Variants in CDH13 observed in about 807,000 individuals in gnomAD.
CDH13 encodes cadherin-13.
CDH13 carries 24 observed loss-of-function variants against 63.8 expected under a neutral mutation model. The ratio of observed to expected loss-of-function variants is 0.38; its 90% CI spans 0.27 to 0.53. The LOEUF (loss-of-function observed/expected upper bound fraction) is 0.53. Ranked by LOEUF, CDH13 falls within the 20% of genes least tolerant of loss-of-function variation. The probability of loss-of-function intolerance (pLI) is 0.85; values close to 1 mark genes in which losing one functional copy is unlikely to be tolerated. For synonymous variants in CDH13, 503 were observed against 355.3 expected, an observed-to-expected ratio of 1.42 and a Z score of -4.67; for missense variants, 1,049 against 903.1, an observed-to-expected ratio of 1.16 and a Z score of -2.07.
At chr16:82,981,206 C>T (rs955123601) in intron 2 of CDH13, among the ~76,000 whole-genome samples, 1 of 152,206 alleles carries the variant, frequency 6.6e-6, no homozygotes, top group South Asian at 2.1e-4. Flanking sequence ...CTTCCACTTT[C>T]CGTTTCACCA....
intron 3 of CDH13, among the ~76,000 whole-genome samples, chr16:83,077,767 G>T (rs769240025): frequency 3.8e-4 from 58 of 152,154 alleles, no homozygotes; most frequent in Non-Finnish European, 7.9e-4. Context: ...CTCATATTGA[G>T]TGTTATCAGA....
chr16:82,842,456 A>G (rs2039076170), intron 1 of CDH13, among the ~76,000 whole-genome samples: 1 of 151,994 alleles, frequency 6.6e-6, no homozygotes. Flanking sequence ...TTAAAATATA[A>G]GAGTGCACAG....
At chr16:83,686,740 C>A (rs1375766997) in intron 10 of CDH13, among the ~76,000 whole-genome samples, 1 of 152,052 alleles carries the variant, frequency 6.6e-6, no homozygotes, top group East Asian at 1.9e-4. Context: ...ACATTTGATA[C>A]AGTTTGGGGT....
intron 2 of CDH13, among the ~76,000 whole-genome samples, chr16:82,913,221 T>C (rs1435209951): frequency 6.6e-6 from 1 of 152,176 alleles, no homozygotes; most frequent in African/African-American, 2.4e-5. Flanking sequence ...AATTGGAGTT[T>C]ACCTATTTTT....
chr16:83,305,588 G>T (rs946611775), intron 5 of CDH13, among the ~76,000 whole-genome samples: 1 of 152,194 alleles, frequency 6.6e-6, no homozygotes, highest in African/African-American at 2.4e-5. Flanking sequence ...TGGCATCCCA[G>T]TTCTTCCACG....
At chr16:82,911,795 T>A (rs1597197174) in intron 2 of CDH13, among the ~76,000 whole-genome samples, 1 of 152,024 alleles carries the variant, frequency 6.6e-6, no homozygotes, top group East Asian at 1.9e-4. Context: ...CAGGCTCCTG[T>A]CCTGGAATCC....
chr16:82,958,729 G>A (rs1226246713), intron 2 of CDH13, among the ~76,000 whole-genome samples: 1 of 152,222 alleles, frequency 6.6e-6, no homozygotes, highest in Non-Finnish European at 1.5e-5. Flanking sequence ...CAGGTCACAG[G>A]CTCCATTGTC....
At position 82,906,607 on chromosome 16, in the gene CDH13, A is replaced by T. The variant is rs560151524; in HGVS notation, c.157+48134A>T. On this transcript the variant is annotated intron_variant, in intron 2 of 13. Coordinates refer to ENST00000567109, the MANE Select transcript of CDH13 (RefSeq NM_001257.5). ...GTCTAGTGCACATTAGGCTCTTCTAATAGTTTCCGAGAGCTGGAGTAACAG... is the reference window on the plus strand; with the variant it reads ...GTCTAGTGCACATTAGGCTCTTCTATTAGTTTCCGAGAGCTGGAGTAACAG... Among the ~76,000 whole-genome samples the T allele has an allele frequency of 3.1e-4, 47 of 152,316 alleles. 1 individual carries two copies. The highest frequency in any genetic ancestry group is 8.4e-4 in the African/African-American group (35 of 41,574).
intron 1 of CDH13, among the ~76,000 whole-genome samples, chr16:82,804,400 A>G (rs2037042145): frequency 1.3e-5 from 2 of 152,174 alleles, no homozygotes; most frequent in African/African-American, 4.8e-5. Context: ...ATGGTATCAC[A>G]GGTATATGCA....
intron 2 of CDH13, among the ~76,000 whole-genome samples, chr16:83,014,388 C>T (rs956629011): frequency 2.0e-5 from 3 of 148,660 alleles, no homozygotes; most frequent in African/African-American, 7.4e-5. Context: ...TTTGAATCAG[C>T]ACTTTCAGAA....
chr16:82,762,861 C>T (rs1466311397), intron 1 of CDH13, among the ~76,000 whole-genome samples: 1 of 152,150 alleles, frequency 6.6e-6, no homozygotes, highest in East Asian at 1.9e-4. Context: ...TGGGTGGGCA[C>T]TCTCTTCATT....
chr16:82,896,827 C>T (rs960843443), intron 2 of CDH13, among the ~76,000 whole-genome samples: 12 of 115,182 alleles, frequency 1.0e-4, no homozygotes, highest in African/African-American at 4.1e-4. Context: ...GTCACCCAGG[C>T]TGGAGTGTAG....
intron 3 of CDH13, among the ~76,000 whole-genome samples, chr16:83,090,838 A>G (rs1330709182): frequency 6.6e-6 from 1 of 151,830 alleles, no homozygotes; most frequent in Non-Finnish European, 1.5e-5. Flanking sequence ...CCGGAAACAT[A>G]CGCTTTTTAA....
intron 5 of CDH13, among the ~76,000 whole-genome samples, chr16:83,303,558 G>C (rs963325205): frequency 6.6e-6 from 1 of 152,160 alleles, no homozygotes; most frequent in Admixed American, 6.5e-5. Context: ...CATAATAGGA[G>C]TTTTAATCTT....
chr16:83,797,941 A>G lies in CDH13; in HGVS notation c.*2911A>G, dbSNP rs184108628. ...TCTAATTTCAATAAAAGTCACCTTCAATACCGCCAGTTCTCTCCAAATGAG... is the reference window on the plus strand; with the variant it reads ...TCTAATTTCAATAAAAGTCACCTTCGATACCGCCAGTTCTCTCCAAATGAG... On this transcript the variant is annotated 3_prime_UTR_variant, in exon 14 of 14. Coordinates refer to ENST00000567109, the MANE Select transcript of CDH13 (RefSeq NM_001257.5). 94 of 152,338 alleles carry G rather than the reference A, an allele frequency of 6.2e-4. No homozygotes were observed. Among genetic ancestry groups the G allele is most frequent in the African/African-American group, 2.1e-3 (89 of 41,566 alleles). The allele number at this position is 152,338 out of a possible 1,614,324, so 9.4% of individuals were successfully genotyped here. A position where few individuals can be genotyped will look rare whatever the true frequency, so the allele number is the denominator to read the frequency against.
At chr16:83,506,798 T>C (rs1190024418) in intron 7 of CDH13, among the ~76,000 whole-genome samples, 2 of 152,226 alleles carry the variant, frequency 1.3e-5, no homozygotes, top group African/African-American at 2.4e-5. Flanking sequence ...GAAATCCACA[T>C]GGCAAGGAAC....
intron 7 of CDH13, among the ~76,000 whole-genome samples, chr16:83,580,950 A>G (rs1203191936): frequency 1.3e-5 from 2 of 152,226 alleles, no homozygotes; most frequent in African/African-American, 4.8e-5. Context: ...GTTACATAAC[A>G]GATCTCTATT....
chr16:82,825,934 A>G (rs1005424713), intron 1 of CDH13: 2 of 151,860 alleles, frequency 1.3e-5, no homozygotes, highest in South Asian at 2.1e-4. Context: ...GCTCACTGCA[A>G]CCTCTGCCTC....
chr16:83,225,949 A>T (rs538164411), intron 5 of CDH13, among the ~76,000 whole-genome samples: 111 of 152,344 alleles, frequency 7.3e-4, no homozygotes, highest in African/African-American at 2.6e-3. Context: ...TAAAAGTCAA[A>T]GATCTCATTT....
Sources: gnomAD v4.1 joint callset for allele counts (sites outside exome capture counted in the v4.1 genomes callset) on GRCh38, gnomAD v4.1.1 for gene constraint, MANE v1.5 for transcripts, NCBI Gene and HGNC (gene_info 2026-07-23, HGNC 2026-07-21) for gene names.